The following LRBA variants were observed in gnomAD, a reference collection of about 807,000 sequenced individuals.
LRBA encodes LPS responsive beige-like anchor protein, also known as lipopolysaccharide-responsive and beige-like anchor protein.
Under a neutral mutation model 330.0 loss-of-function variants are expected in LRBA, and 176 were observed. The observed-to-expected ratio is 0.53, with a 90% confidence interval of 0.47 to 0.60. LRBA has a LOEUF of 0.60. Among genes scored for constraint, LRBA ranks in the 20% least tolerant of loss-of-function variants. The pLI is 0.00. For synonymous variants in LRBA, 1,230 were observed against 1,193.0 expected (o/e 1.03, Z -0.64); for missense variants, 3,259 against 3,444.8 (o/e 0.95, Z 1.35).
intron 37 of LRBA, among the ~76,000 whole-genome samples, chr4:150,671,001 TGTG>T (rs1242160232): frequency 2.1e-4 from 2 of 9,700 alleles, no homozygotes; most frequent in Non-Finnish European, 4.1e-4. Flanking sequence ...ACATAGCTGA[TGTG>T]TGTGTGTGTG....
At chr4:150,665,404 C>T (rs1273319158) in intron 37 of LRBA, among the ~76,000 whole-genome samples, 1 of 151,624 alleles carries the variant, frequency 6.6e-6, no homozygotes, top group African/African-American at 2.4e-5. Context: ...TATTCAAATT[C>T]CCAGATGCCA....
intron 36 of LRBA, among the ~76,000 whole-genome samples, chr4:150,728,242 G>C (rs529653700): frequency 6.6e-6 from 1 of 151,970 alleles, no homozygotes; most frequent in African/African-American, 2.4e-5. Context: ...GAAAAGCCTG[G>C]GGCCAGATGG....
intron 35 of LRBA, among the ~76,000 whole-genome samples, chr4:150,754,404 T>G (rs1473445254): frequency 6.6e-6 from 1 of 150,592 alleles, no homozygotes; most frequent in Admixed American, 6.7e-5. Context: ...TTATTCTAAA[T>G]CACCCAGAGA....
chr4:150,997,849 G>A (rs539049056), intron 2 of LRBA, among the ~76,000 whole-genome samples: 137 of 151,772 alleles, frequency 9.0e-4, no homozygotes, highest in African/African-American at 2.9e-3. Flanking sequence ...GATTACAGGC[G>A]CACACCACCA....
intron 52 of LRBA, among the ~76,000 whole-genome samples, chr4:150,308,688 G>A (rs1560993312): frequency 6.6e-6 from 1 of 152,048 alleles, no homozygotes; most frequent in Non-Finnish European, 1.5e-5. Context: ...TGATGATCCT[G>A]ACCCTATGGA....
intron 37 of LRBA, among the ~76,000 whole-genome samples, chr4:150,666,588 T>C (rs1781579233): frequency 6.6e-6 from 1 of 152,160 alleles, no homozygotes; most frequent in African/African-American, 2.4e-5. Flanking sequence ...TTGTATTCAG[T>C]ATTATATGTA....
At chr4:150,455,527 T>C (rs1753954870) in intron 44 of LRBA, among the ~76,000 whole-genome samples, 1 of 152,150 alleles carries the variant, frequency 6.6e-6, no homozygotes, top group Non-Finnish European at 1.5e-5. Context: ...TGTTTTTTAA[T>C]TTTTAATTTT....
chr4:150,302,973 AC>A lies in LRBA; in HGVS notation c.7850-182del, dbSNP rs201766876. Among the ~76,000 whole-genome samples the A allele has an allele frequency of 3.9e-3, 592 of 152,354 alleles. 18 individuals carry two copies. In the East Asian group the frequency reaches 0.099, roughly 26 times the overall value. ...GCATGCTAACAAGAACAACAAAAAA[AC>A]AATTGAAAATTGTTAACATTTTTGA... On this transcript the variant is annotated intron_variant, in intron 52 of 56. Transcript: ENST00000651943.
Position 150,966,937 on chromosome 4 carries a change from CAG to C in LRBA, c.217-37874_217-37873del, listed in dbSNP as rs1738968212. Among the ~76,000 whole-genome samples, 8 of 152,292 alleles carry C rather than the reference CAG, an allele frequency of 5.3e-5. No individual in the cohort carries two copies. In the South Asian group the frequency reaches 1.7e-3, roughly 32 times the overall value. On this transcript the variant is annotated intron_variant, in intron 2 of 56. Coordinates refer to ENST00000651943, the MANE Select transcript of LRBA (RefSeq NM_001364905.1). ...TCATCAGGAATCCCAGGCTGAGGCC[CAG>C]AGACAACCTCATGGCCTTGAAATCT...
rs192673311 is a variant in LRBA at position 150,804,582 on chromosome 4, C to T, written c.5518+1689G>A. ...CCATCTCCTAGCTACTGTTAGTCAA[C>T]AAAAGATTACAATAACTAAAGCTGC... On this transcript the variant is annotated intron_variant, in intron 33 of 56. Transcript: ENST00000651943. Among the ~76,000 whole-genome samples the T allele has an allele frequency of 6.6e-5, 10 of 152,152 alleles. No individual in the cohort carries two copies. The East Asian group carries it at 1.9e-3, about 29-fold the overall frequency.
intron 2 of LRBA, among the ~76,000 whole-genome samples, chr4:150,937,886 C>T (rs998161344): frequency 6.6e-6 from 1 of 151,970 alleles, no homozygotes; most frequent in Non-Finnish European, 1.5e-5. Context: ...CCTGTATATT[C>T]GGAAAATCTA....
At chr4:150,684,221 G>C (rs180972605) in intron 36 of LRBA, among the ~76,000 whole-genome samples, 66 of 152,300 alleles carry the variant, frequency 4.3e-4, no homozygotes, top group Non-Finnish European at 7.1e-4. Flanking sequence ...CTGCTATTTA[G>C]AGAATGGATT....
chr4:150,821,799 A>C (rs571890696), intron 30 of LRBA, among the ~76,000 whole-genome samples: 1 of 152,328 alleles, frequency 6.6e-6, no homozygotes, highest in South Asian at 2.1e-4. Context: ...AGGATCTTCA[A>C]ATTAGATAAG....
intron 40 of LRBA, among the ~76,000 whole-genome samples, chr4:150,536,605 G>A (rs564130456): frequency 3.3e-5 from 5 of 152,292 alleles, no homozygotes; most frequent in Non-Finnish European, 5.9e-5. Flanking sequence ...AGTATATGAT[G>A]TATTTCCATG....
At chr4:150,735,009 G>C (rs1341331679) in intron 36 of LRBA, among the ~76,000 whole-genome samples, 1 of 152,078 alleles carries the variant, frequency 6.6e-6, no homozygotes, top group Non-Finnish European at 1.5e-5. Flanking sequence ...TGATTATTAA[G>C]ATTAGAGCAG....
intron 33 of LRBA, among the ~76,000 whole-genome samples, chr4:150,805,440 AGG>A (rs1742534337): frequency 8.0e-5 from 7 of 87,558 alleles, no homozygotes; most frequent in African/African-American, 3.8e-4. Context: ...AAGGAAAGGA[AGG>A]AAAGGGAAAG....
At chr4:150,547,961 T>G (rs1300887595) in intron 40 of LRBA, among the ~76,000 whole-genome samples, 1 of 152,154 alleles carries the variant, frequency 6.6e-6, no homozygotes, top group African/African-American at 2.4e-5. Flanking sequence ...CAACTCAGAA[T>G]TACAATGCCA....
chr4:151,014,119 C>T (rs2149681233), intron 2 of LRBA: 1 of 233,342 alleles, frequency 4.3e-6, no homozygotes, highest in South Asian at 1.5e-4. Flanking sequence ...GCATACAAGC[C>T]AAGAAAAAAA....
At position 150,403,165 on chromosome 4, in the gene LRBA, T is replaced by A. The variant is rs2151932073; in HGVS notation, c.7194+12273A>T. Among the ~76,000 whole-genome samples, 3 of 152,314 alleles carry A rather than the reference T, an allele frequency of 2.0e-5. No individual in the cohort carries two copies. The South Asian group carries it at 6.2e-4, about 32-fold the overall frequency. On this transcript the variant is annotated intron_variant, in intron 47 of 56. Transcript: ENST00000651943. ...TTTTCAGATAGACTGCCACTGCAGG[T>A]GCCATGGCCCAGTGCCAGAAACACA...
Sources: gnomAD v4.1 joint callset for allele counts (sites outside exome capture counted in the v4.1 genomes callset) on GRCh38, gnomAD v4.1.1 for gene constraint, MANE v1.5 for transcripts, NCBI Gene and HGNC (gene_info 2026-07-23, HGNC 2026-07-21) for gene names.